ADCY2: variants seen among roughly 807,000 people sequenced by gnomAD.
ADCY2 encodes the protein adenylate cyclase type 2.
A neutral mutation model predicts 125.2 loss-of-function variants in ADCY2; 31 were observed. That is an observed-to-expected ratio of 0.25 (90% CI 0.19 to 0.33). The LOEUF is 0.33. Ranked by LOEUF, ADCY2 falls within the 10% of genes least tolerant of loss-of-function variation. The pLI is 1.00. For missense variants in ADCY2, 904 were observed against 1,418.2 expected (o/e 0.64, Z 5.82); for synonymous variants, 512 against 548.4 (o/e 0.93, Z 0.93).
chr5:7,619,061 A>G (rs1203337073), intron 3 of ADCY2, among the ~76,000 whole-genome samples: 1 of 152,202 alleles, frequency 6.6e-6, no homozygotes, highest in African/African-American at 2.4e-5. Context: ...TACGCAGGTC[A>G]AACATCTTTG....
chr5:7,437,254 A>G (rs900439550), intron 2 of ADCY2, among the ~76,000 whole-genome samples: 1 of 152,188 alleles, frequency 6.6e-6, no homozygotes, highest in East Asian at 1.9e-4. Context: ...TCAAGCTACT[A>G]CAGAGCTATG....
At position 7,626,261 on chromosome 5, in the gene ADCY2, A is replaced by C. The variant is rs1422365545; in HGVS notation, c.665A>C (p.Asp222Ala). 1 of 1,614,034 alleles carries C rather than the reference A, an allele frequency of 6.2e-7. No homozygotes were observed. Among genetic ancestry groups the C allele is most frequent in the African/African-American group, 1.3e-5 (1 of 74,936 alleles). Reference sequence around the variant, plus strand: ...CTCGCTCTTCAGCAAACATATCAGGACACCTGTAATTGCATCAAGTCGCGG... The same window carrying C: ...CTCGCTCTTCAGCAAACATATCAGGCCACCTGTAATTGCATCAAGTCGCGG... ...MELALQQTYQ[D>A]TCNCIKSRIK... The change falls in exon 4 of 25, where the codon GAC becomes GCC. Residue 222 changes from aspartate to alanine, a missense_variant. Transcript: ENST00000338316.
rs3033085 is a variant in ADCY2, at chr5:7,459,772, A to ATTTTTTTTTTTTTTTTTTT, written c.408+45017_408+45035dup. Among the ~76,000 whole-genome samples, 3 of 72,818 alleles carry ATTTTTTTTTTTTTTTTTTT rather than the reference A, an allele frequency of 4.1e-5. 1 individual carries two copies. Among genetic ancestry groups the ATTTTTTTTTTTTTTTTTTT allele is most frequent in the African/African-American group, 1.8e-4 (3 of 16,332 alleles). The allele number at this position is 72,818 out of a possible 152,430, so 47.8% of individuals were successfully genotyped here. On this transcript the variant is annotated intron_variant, in intron 2 of 24. Coordinates refer to ENST00000338316, the MANE Select transcript of ADCY2 (RefSeq NM_020546.3). Reference sequence around the variant, plus strand: ...GAACTATCTAGCAGTTTAAGAGGTAATTTTTTTTTTTTTTTTTTTTTTTTT... The same window carrying ATTTTTTTTTTTTTTTTTTT: ...GAACTATCTAGCAGTTTAAGAGGTAATTTTTTTTTTTTTTTTTTTTTTTTTTTTTTTTTTTTTTTTTTTT...
At chr5:7,820,034 G>A (rs1579477163) in intron 23 of ADCY2, among the ~76,000 whole-genome samples, 1 of 152,204 alleles carries the variant, frequency 6.6e-6, no homozygotes, top group African/African-American at 2.4e-5. Context: ...GCTCTGACCT[G>A]TGCCAGAGCT....
At chr5:7,516,248 G>C (rs1392297714) in intron 2 of ADCY2, among the ~76,000 whole-genome samples, 1 of 152,140 alleles carries the variant, frequency 6.6e-6, no homozygotes, top group African/African-American at 2.4e-5. Flanking sequence ...TTATAGACCT[G>C]GAAAGAGGCC....
rs2126564264 is a variant in ADCY2 at position 7,543,903 on chromosome 5, A to C, written c.570+23004A>C. Among the ~76,000 whole-genome samples, 2 of 150,230 alleles carry C rather than the reference A, an allele frequency of 1.3e-5. 1 individual carries two copies. The highest frequency in any genetic ancestry group is 4.2e-4 in the South Asian group (2 of 4,730). On this transcript the variant is annotated intron_variant, in intron 3 of 24. Coordinates refer to ENST00000338316, the MANE Select transcript of ADCY2 (RefSeq NM_020546.3). The stretch of plus-strand genomic sequence containing the variant: ...ATGGAGGGTACCTGTAGTTCCACCT[A>C]CTCGGGAGGCTGAGGCAGGAGAATG...
chr5:7,533,047 GATAT>G (rs961994777), intron 3 of ADCY2, among the ~76,000 whole-genome samples: 107 of 147,846 alleles, frequency 7.2e-4, no homozygotes, highest in Non-Finnish European at 1.4e-3. Flanking sequence ...ATAAACATTT[GATAT>G]ATATACATTT....
rs56089574 is a variant in ADCY2 at position 7,443,639 on chromosome 5, C to CA, written c.408+28899dup. Among the ~76,000 whole-genome samples, 218 of 51,220 alleles carry CA rather than the reference C, an allele frequency of 4.3e-3. 21 individuals are homozygous for CA. Among genetic ancestry groups the CA allele is most frequent in the East Asian group, 0.012 (13 of 1,082 alleles). 33.6% of individuals were successfully genotyped at this position (51,220 alleles called of 152,430 possible). On this transcript the variant is annotated intron_variant, in intron 2 of 24. Coordinates refer to ENST00000338316, the MANE Select transcript of ADCY2 (RefSeq NM_020546.3). The stretch of plus-strand genomic sequence containing the variant: ...TGGGCGACAGAGTAAGACTCTGTCT[C>CA]AAAAAAAAAAAAAAAAAAAAAAAAA...
chr5:7,775,996 G>A (rs562055689), intron 18 of ADCY2, among the ~76,000 whole-genome samples: 9 of 152,184 alleles, frequency 5.9e-5, no homozygotes, highest in East Asian at 1.9e-4. Context: ...GAAGCCCCCC[G>A]ATTTCTCCAG....
At chr5:7,568,213 T>C (rs1735964709) in intron 3 of ADCY2, among the ~76,000 whole-genome samples, 1 of 152,176 alleles carries the variant, frequency 6.6e-6, no homozygotes, top group African/African-American at 2.4e-5. Flanking sequence ...TCATAGCCAG[T>C]TCATGTCCAC....
At chr5:7,717,749 G>A (rs1415931412) in intron 12 of ADCY2, among the ~76,000 whole-genome samples, 2 of 152,144 alleles carry the variant, frequency 1.3e-5, no homozygotes, top group African/African-American at 4.8e-5. Flanking sequence ...GTTTTAAATG[G>A]TCCAGAGTTG....
At chr5:7,415,737 A>G (rs952296725) in intron 2 of ADCY2, among the ~76,000 whole-genome samples, 2 of 151,862 alleles carry the variant, frequency 1.3e-5, no homozygotes, top group Non-Finnish European at 2.9e-5. Context: ...TTGTCTAACT[A>G]TTGGCTTTTT....
chr5:7,740,207 T>C (rs897330748), intron 14 of ADCY2, among the ~76,000 whole-genome samples: 1 of 151,934 alleles, frequency 6.6e-6, no homozygotes, highest in African/African-American at 2.4e-5. Flanking sequence ...GAAATATCAA[T>C]AATATAAATT....
intron 2 of ADCY2, among the ~76,000 whole-genome samples, chr5:7,450,448 G>A (rs191588862): frequency 2.6e-5 from 4 of 152,330 alleles, no homozygotes; most frequent in Admixed American, 2.6e-4. Context: ...GCTGAGAAAG[G>A]TGAGGAAGCT....
At chr5:7,761,415 G>C (rs1361265438) in intron 16 of ADCY2, among the ~76,000 whole-genome samples, 4 of 152,032 alleles carry the variant, frequency 2.6e-5, no homozygotes, top group African/African-American at 9.7e-5. Context: ...CCAAAGTGCT[G>C]GGATTACAGG....
At chr5:7,825,190 C>T (rs533661983) in intron 24 of ADCY2, among the ~76,000 whole-genome samples, 17 of 152,066 alleles carry the variant, frequency 1.1e-4, no homozygotes, top group South Asian at 2.1e-4. Context: ...GCCACGACAA[C>T]GCTGCTGTGC....
At chr5:7,501,016 T>C (rs1187544659) in intron 2 of ADCY2, among the ~76,000 whole-genome samples, 1 of 152,150 alleles carries the variant, frequency 6.6e-6, no homozygotes, top group Non-Finnish European at 1.5e-5. Flanking sequence ...ATTTCACAGT[T>C]GGAATGATGG....
intron 18 of ADCY2, among the ~76,000 whole-genome samples, chr5:7,779,991 G>T (rs1159023974): frequency 6.6e-6 from 1 of 152,180 alleles, no homozygotes; most frequent in Non-Finnish European, 1.5e-5. Flanking sequence ...CCAGCCACGG[G>T]CCAGGAGGAA....
chr5:7,655,807 G>A (rs1355196652), intron 4 of ADCY2, among the ~76,000 whole-genome samples: 1 of 152,198 alleles, frequency 6.6e-6, no homozygotes, highest in Non-Finnish European at 1.5e-5. Flanking sequence ...GTTAGATGGT[G>A]TAGGAATTGT....
Sources: allele counts gnomAD v4.1 joint callset (sites outside exome capture counted in the v4.1 genomes callset), GRCh38; gene constraint gnomAD v4.1.1; transcripts MANE v1.5; gene names NCBI Gene and HGNC (gene_info 2026-07-23, HGNC 2026-07-21).